The following CAB39L variants were observed in gnomAD, a reference collection of about 807,000 sequenced individuals.
CAB39L encodes the protein calcium-binding protein 39-like.
In CAB39L, 23 loss-of-function variants were observed where a neutral mutation model predicts 39.1. The observed-to-expected ratio is 0.59, with a 90% CI of 0.42 to 0.83. The LOEUF is 0.83. Among genes scored for constraint, CAB39L ranks in the 40% least tolerant of loss-of-function variants. CAB39L has a pLI of 0.00. For missense variants in CAB39L, 366 were observed against 391.9 expected (o/e 0.93, Z 0.56); for synonymous variants, 126 against 137.2 (o/e 0.92, Z 0.57).
At chr13:49,432,048 T>A (rs1957334494) in intron 3 of CAB39L, among the ~76,000 whole-genome samples, 1 of 152,200 alleles carries the variant, frequency 6.6e-6, no homozygotes, top group African/African-American at 2.4e-5. Flanking sequence ...AGTATTTATT[T>A]CTTGCCAATT....
chr13:49,368,673 G>A, intron 5 of CAB39L, among the ~76,000 whole-genome samples: 1 of 152,166 alleles, frequency 6.6e-6, no homozygotes, highest in Non-Finnish European at 1.5e-5. Context: ...TCCCAAACCT[G>A]AAGAAGCCCT....
chr13:49,385,944 G>GA (rs11400680), intron 3 of CAB39L, among the ~76,000 whole-genome samples: 152,216 of 152,238 alleles, frequency 1, 76,097 homozygotes, highest in Middle Eastern at 1. Flanking sequence ...ACATGCTGGT[G>GA]AAAAAAATGG....
rs1309502019 is a variant in CAB39L, at chr13:49,381,831, C to T, written c.111+969G>A. Among the ~76,000 whole-genome samples, 4 of 152,172 alleles carry T rather than the reference C, an allele frequency of 2.6e-5. No individual in the cohort carries two copies. The East Asian group carries it at 7.7e-4, about 29-fold the overall frequency. On this transcript the variant is annotated intron_variant, in intron 4 of 10. Transcript: ENST00000409308. The stretch of plus-strand genomic sequence containing the variant: ...CAACAATGCTATGAACATTCTTGTA[C>T]ATTTTTCCTGGTGCAGATGTGCAAG...
At chr13:49,408,787 C>T (rs1392200843) in intron 3 of CAB39L, among the ~76,000 whole-genome samples, 5 of 151,954 alleles carry the variant, frequency 3.3e-5, no homozygotes, top group Non-Finnish European at 5.9e-5. Flanking sequence ...GCTGAGATTG[C>T]ACCACCGCAC....
intron 5 of CAB39L, among the ~76,000 whole-genome samples, chr13:49,371,189 C>CCTTTTTT (rs1555258807): frequency 9.8e-6 from 1 of 102,242 alleles, no homozygotes. Flanking sequence ...CTTTTTCTTT[C>CCTTTTTT]TTTTTTTTTT....
intron 7 of CAB39L, among the ~76,000 whole-genome samples, chr13:49,347,628 C>T (rs1955217387): frequency 6.6e-6 from 1 of 152,160 alleles, no homozygotes; most frequent in South Asian, 2.1e-4. Flanking sequence ...ATGGAATCAT[C>T]CTTTGTATTT....
In CAB39L at chr13:49,382,885, T is replaced by TTACTA. The variant is rs1555261294; in HGVS notation, c.21_25dup (p.Lys9IlefsTer12). The TTACTA allele has an allele frequency of 5.6e-6, 9 of 1,611,040 alleles. No individual in the cohort carries two copies. The highest frequency in any genetic ancestry group is 1.3e-5 in the African/African-American group (1 of 74,842). ...AATTTCTGCTGGATTTTTGTGTGAT[T>TTACTA]TACTAAACAAAGGCATTTTTTTCAT... is the stretch of plus-strand genomic sequence containing the variant. On this transcript the variant is annotated frameshift_variant, in exon 4 of 11. Coordinates refer to ENST00000409308, the MANE Select transcript of CAB39L (RefSeq NM_001079670.3). LOFTEE classifies it high-confidence loss of function.
intron 3 of CAB39L, among the ~76,000 whole-genome samples, chr13:49,403,390 A>T (rs1956813057): frequency 6.6e-6 from 1 of 152,028 alleles, no homozygotes; most frequent in Non-Finnish European, 1.5e-5. Flanking sequence ...ATTTATATAA[A>T]TTTTTTAAAA....
At chr13:49,400,560 A>C (rs1488075703) in intron 3 of CAB39L, among the ~76,000 whole-genome samples, 1 of 152,048 alleles carries the variant, frequency 6.6e-6, no homozygotes, top group African/African-American at 2.4e-5. Flanking sequence ...TAACTGCTTT[A>C]TTCCTTACTT....
At chr13:49,351,476 C>T (rs1593967938) in intron 6 of CAB39L, among the ~76,000 whole-genome samples, 1 of 152,010 alleles carries the variant, frequency 6.6e-6, no homozygotes. Flanking sequence ...TGAAATGAGG[C>T]AGGGGTGGAG....
At chr13:49,371,351 G>A (rs1034791145) in intron 5 of CAB39L, among the ~76,000 whole-genome samples, 5 of 151,898 alleles carry the variant, frequency 3.3e-5, no homozygotes, top group Admixed American at 6.6e-5. Flanking sequence ...CCATGGCCAC[G>A]GCTAATTTTT....
At chr13:49,402,208 A>G (rs915260866) in intron 3 of CAB39L, among the ~76,000 whole-genome samples, 9 of 152,208 alleles carry the variant, frequency 5.9e-5, no homozygotes, top group African/African-American at 2.2e-4. Context: ...TAAGAATTAC[A>G]AAGTCTAAAG....
At chr13:49,399,314 G>C (rs1407866006) in intron 3 of CAB39L, among the ~76,000 whole-genome samples, 1 of 151,982 alleles carries the variant, frequency 6.6e-6, no homozygotes, top group Non-Finnish European at 1.5e-5. Flanking sequence ...CAAAAACAGT[G>C]CAATCAACCT....
At chr13:49,311,540 G>A (rs1245088488) in intron 10 of CAB39L, among the ~76,000 whole-genome samples, 3 of 152,172 alleles carry the variant, frequency 2.0e-5, no homozygotes, top group Non-Finnish European at 4.4e-5. Context: ...CACTGTTATC[G>A]TAGGAGGTGA....
At position 49,310,557 on chromosome 13, in the gene CAB39L, G is replaced by T; in HGVS notation, c.*257C>A. ...TGTGCCCAGGGGCTCACATCTGCAA[G>T]TTAAAATTGCTTTTATCAACATCTG... On this transcript the variant is annotated 3_prime_UTR_variant, in exon 11 of 11. Transcript: ENST00000409308. The T allele has an allele frequency of 3.1e-6, 1 of 321,838 alleles. No homozygotes were observed. Among genetic ancestry groups the T allele is most frequent in the Non-Finnish European group, 5.7e-6 (1 of 175,418 alleles). 19.9% of individuals were successfully genotyped at this position (321,838 alleles called of 1,614,324 possible).
chr13:49,443,695 GC>G (rs1382647631), intron 1 of CAB39L, among the ~76,000 whole-genome samples: 1 of 151,996 alleles, frequency 6.6e-6, no homozygotes, highest in Non-Finnish European at 1.5e-5. Flanking sequence ...GCCCCGCCCA[GC>G]CCCCACAATG....
intron 3 of CAB39L, among the ~76,000 whole-genome samples, chr13:49,387,580 C>G (rs1956393985): frequency 6.6e-6 from 1 of 152,144 alleles, no homozygotes; most frequent in Non-Finnish European, 1.5e-5. Context: ...CCTCTTCCAG[C>G]AGTCAGTAAG....
intron 8 of CAB39L, among the ~76,000 whole-genome samples, chr13:49,343,601 G>T (rs1406412410): frequency 1.1e-5 from 1 of 90,190 alleles, no homozygotes; most frequent in Non-Finnish European, 2.8e-5. Flanking sequence ...GAAGGGGAGA[G>T]GAGGGAGAGG....
At chr13:49,320,181 AAC>A in intron 10 of CAB39L, among the ~76,000 whole-genome samples, 1 of 152,358 alleles carries the variant, frequency 6.6e-6, no homozygotes, top group African/African-American at 2.4e-5. Flanking sequence ...GATGATAAGA[AAC>A]ACACTTCTAA....
Sources: gnomAD v4.1 joint callset for allele counts (sites outside exome capture counted in the v4.1 genomes callset) on GRCh38, gnomAD v4.1.1 for gene constraint, MANE v1.5 for transcripts, NCBI Gene and HGNC (gene_info 2026-07-23, HGNC 2026-07-21) for gene names.